Variants in FAT3 observed in about 807,000 individuals in gnomAD.
The protein encoded by FAT3 is protocadherin Fat 3.
In FAT3, 95 loss-of-function variants were observed where a neutral mutation model predicts 310.2. The ratio of observed to expected loss-of-function variants is 0.31; its 90% CI spans 0.26 to 0.36. The LOEUF is 0.36. Ranked by LOEUF, FAT3 falls within the 10% of genes least tolerant of loss-of-function variation. FAT3 has a pLI of 1.00. For missense variants in FAT3, 5,408 were observed against 5,715.6 expected (o/e 0.95, Z 1.74); for synonymous variants, 2,314 against 2,192.9 (o/e 1.06, Z -1.54).
intron 1 of FAT3, among the ~76,000 whole-genome samples, chr11:92,281,262 C>G (rs921646046): frequency 2.0e-5 from 3 of 152,032 alleles, no homozygotes; most frequent in South Asian, 2.1e-4. Context: ...CAAAAGCTCA[C>G]TGGAAGGAAA....
chr11:92,797,841 A>G lies in FAT3; in HGVS notation c.4828A>G (p.Thr1610Ala). 1 of 1,607,770 alleles carries G rather than the reference A, an allele frequency of 6.2e-7. No individual in the cohort carries two copies. Among genetic ancestry groups the G allele is most frequent in the Non-Finnish European group, 8.5e-7 (1 of 1,175,174 alleles). Residue 1610 changes from threonine to alanine, a missense_variant, in exon 10 of 28, where the codon ACT (threonine) becomes GCT (alanine). Thr to Ala is a moderately conservative substitution (Grantham distance 58). This residue lies in a region of FAT3 where 4,588 missense variants were observed against 4,809.8 expected (regional missense o/e 0.95). Coordinates refer to ENST00000525166, the MANE Select transcript of FAT3 (RefSeq NM_001367949.2). ...ELIYTIEAGN[T>A]GNMFKIEPVL... ...CATTGATTTCTGTATTTTAGGGAACACTGGGAACATGTTTAAGATCGAACC... is the reference window on the plus strand; with the variant it reads ...CATTGATTTCTGTATTTTAGGGAACGCTGGGAACATGTTTAAGATCGAACC...
At chr11:92,559,352 T>A in intron 3 of FAT3, 2 of 217,046 alleles carry the variant, frequency 9.2e-6, no homozygotes, top group South Asian at 1.1e-4. Flanking sequence ...TATATATATT[T>A]CTTATGCTGG....
In FAT3 at chr11:92,353,958, A is replaced by G. The variant is rs1948649039; in HGVS notation, c.1846A>G (p.Ile616Val). ...ACTTGAACTTGTAAAGTACAAAATC[A>G]TTTCTGGAAATGAACTTGGCTTCTT... ...DELELVKYKI[I>V]SGNELGFFYL... The change falls in exon 2 of 28, where the codon ATT becomes GTT. Residue 616 changes from isoleucine (I) to valine (V), a missense_variant. Transcript: ENST00000525166. 3 of 1,612,642 alleles carry G rather than the reference A, an allele frequency of 1.9e-6. No homozygotes were observed. Among genetic ancestry groups the G allele is most frequent in the African/African-American group, 2.7e-5 (2 of 75,014 alleles).
Position 92,846,187 on chromosome 11 carries a change from C to T in FAT3, c.11365+1455C>T, listed in dbSNP as rs115105734. ...CGGTGATTCACACCAGGGTTCAAAA[C>T]GGGTTCAGGACAGGACAGGGTAGAC... On this transcript the variant is annotated intron_variant, in intron 19 of 27. Coordinates refer to ENST00000525166, the MANE Select transcript of FAT3 (RefSeq NM_001367949.2). 8.4e-3 allele frequency among the ~76,000 whole-genome samples: 1,286 copies of T among 152,208 alleles called. 20 individuals carry two copies. The highest frequency in any genetic ancestry group is 0.029 in the African/African-American group (1,206 of 41,524).
At chr11:92,751,393 G>C (rs1335181848) in intron 4 of FAT3, among the ~76,000 whole-genome samples, 1 of 152,226 alleles carries the variant, frequency 6.6e-6, no homozygotes, top group Non-Finnish European at 1.5e-5. Context: ...ATAAGACGTA[G>C]AGAGAAACCA....
chr11:92,293,549 T>TATATAA (rs1946765942), intron 1 of FAT3, among the ~76,000 whole-genome samples: 1 of 16,658 alleles, frequency 6.0e-5, no homozygotes, highest in African/African-American at 2.1e-4. Context: ...TATATATATA[T>TATATAA]ATAAATAAAA....
chr11:92,636,490 T>C (rs1941772040), intron 3 of FAT3, among the ~76,000 whole-genome samples: 1 of 152,174 alleles, frequency 6.6e-6, no homozygotes, highest in Non-Finnish European at 1.5e-5. Flanking sequence ...CAGGGACACA[T>C]GTGGTAGAAT....
intron 3 of FAT3, among the ~76,000 whole-genome samples, chr11:92,643,791 C>G (rs758399761): frequency 3.9e-5 from 6 of 152,192 alleles, no homozygotes; most frequent in Non-Finnish European, 5.9e-5. Flanking sequence ...GCCACCTAAG[C>G]ACTTTTGTTC....
chr11:92,774,346 T>C (rs552222880), intron 7 of FAT3, among the ~76,000 whole-genome samples, 166 bp downstream of exon 7: 1 of 152,352 alleles, frequency 6.6e-6, no homozygotes, highest in African/African-American at 2.4e-5. Context: ...ATTCTATAGA[T>C]GATATCATAG....
At chr11:92,691,066 CG>C (rs1943784420) in intron 3 of FAT3, among the ~76,000 whole-genome samples, 1 of 152,166 alleles carries the variant, frequency 6.6e-6, no homozygotes, top group South Asian at 2.1e-4. Context: ...CCTGCACTGC[CG>C]GGCACAGAAC....
chr11:92,544,283 AAGACCTGGTGTTCG>A (rs1416702054), intron 3 of FAT3, among the ~76,000 whole-genome samples: 1 of 152,216 alleles, frequency 6.6e-6, no homozygotes, highest in Non-Finnish European at 1.5e-5. Context: ...TAGAAGAAAT[AAGACCTGGTGTTCG>A]ATAGATTGTA....
chr11:92,471,636 A>G (rs1169904962), intron 2 of FAT3, among the ~76,000 whole-genome samples: 2 of 152,160 alleles, frequency 1.3e-5, no homozygotes, highest in Non-Finnish European at 2.9e-5. Flanking sequence ...CAACTTAGCC[A>G]TATGCAAAGG....
At chr11:92,255,341 T>TAAA (rs201587803) in intron 1 of FAT3, among the ~76,000 whole-genome samples, 5 of 144,432 alleles carry the variant, frequency 3.5e-5, no homozygotes, top group Non-Finnish European at 4.6e-5. Context: ...GGTTTTTTTT[T>TAAA]AAAAAAAAAA....
intron 1 of FAT3, among the ~76,000 whole-genome samples, chr11:92,264,236 G>A (rs1421827917): frequency 1.3e-5 from 2 of 152,108 alleles, no homozygotes; most frequent in Admixed American, 6.6e-5. Context: ...TAAGAGACAT[G>A]AACACTGATA....
intron 1 of FAT3, among the ~76,000 whole-genome samples, chr11:92,263,098 T>C (rs1865624603): frequency 6.6e-6 from 1 of 152,082 alleles, no homozygotes; most frequent in Admixed American, 6.6e-5. Flanking sequence ...GGTTTCCAGT[T>C]TTCACAGCTT....
intron 4 of FAT3, among the ~76,000 whole-genome samples, chr11:92,705,510 G>GTGT: frequency 9.2e-6 from 1 of 108,754 alleles, no homozygotes; most frequent in Non-Finnish European, 1.9e-5. Flanking sequence ...GATGGTGGTG[G>GTGT]TGTGATAGTG....
At chr11:92,543,975 A>G (rs2135418780) in intron 3 of FAT3, among the ~76,000 whole-genome samples, 1 of 152,268 alleles carries the variant, frequency 6.6e-6, no homozygotes, top group South Asian at 2.1e-4. Context: ...ACTGAACAAT[A>G]GTTTCTTACC....
chr11:92,400,802 C>G (rs1949996663), intron 2 of FAT3: 1 of 151,762 alleles, frequency 6.6e-6, no homozygotes, highest in Admixed American at 6.6e-5. Context: ...AAGCACAGAT[C>G]AATAATATTC....
At chr11:92,237,934 A>G (rs1191380567) in intron 1 of FAT3, among the ~76,000 whole-genome samples, 5 of 152,066 alleles carry the variant, frequency 3.3e-5, no homozygotes, top group African/African-American at 9.7e-5. Context: ...TTTATTGAGT[A>G]TCTACTTTAT....
Sources: allele counts gnomAD v4.1 joint callset (sites outside exome capture counted in the v4.1 genomes callset), GRCh38; gene constraint gnomAD v4.1.1; regional missense constraint gnomAD v4.1.1; transcripts MANE v1.5; gene names NCBI Gene and HGNC (gene_info 2026-07-23, HGNC 2026-07-21).